ZNF516: variants seen among roughly 807,000 people sequenced by gnomAD.
ZNF516 encodes the protein zinc finger protein 516.
Under a neutral mutation model 79.7 loss-of-function variants are expected in ZNF516, and 19 were observed. The ratio of observed to expected loss-of-function variants is 0.24; its 90% confidence interval spans 0.17 to 0.35. The LOEUF (loss-of-function observed/expected upper bound fraction) is 0.35. Among genes scored for constraint, ZNF516 ranks in the 10% least tolerant of loss-of-function variants. The probability of loss-of-function intolerance (pLI) is 1.00; values close to 1 mark genes in which losing one functional copy is unlikely to be tolerated. For synonymous variants in ZNF516, 877 were observed against 739.5 expected (o/e 1.19, Z -3.02); for missense variants, 1,678 against 1,679.5 (o/e 1.00, Z 0.02).
intron 3 of ZNF516, among the ~76,000 whole-genome samples, chr18:76,408,137 T>C (rs902656749): frequency 1.3e-5 from 2 of 152,136 alleles, no homozygotes; most frequent in East Asian, 1.9e-4. Flanking sequence ...GCTGCTACAT[T>C]TGGGGAGGTG....
intron 3 of ZNF516, chr18:76,386,642 G>A (rs2074996984): frequency 6.6e-6 from 1 of 152,264 alleles, no homozygotes; most frequent in South Asian, 2.1e-4. Flanking sequence ...AACGGCATCA[G>A]AACCACCAGA....
chr18:76,430,570 A>C (rs1198823288), intron 3 of ZNF516, among the ~76,000 whole-genome samples: 1 of 152,224 alleles, frequency 6.6e-6, no homozygotes, highest in African/African-American at 2.4e-5. Flanking sequence ...GCCATTCTCC[A>C]TCAGGTTTCA....
intron 2 of ZNF516, among the ~76,000 whole-genome samples, chr18:76,454,890 G>A (rs769012761): frequency 2.6e-5 from 4 of 152,178 alleles, no homozygotes; most frequent in African/African-American, 7.2e-5. Context: ...AAACAACCTT[G>A]CAGAAATGAG....
chr18:76,491,799 C>G (rs1047578054), intron 1 of ZNF516: 1 of 151,998 alleles, frequency 6.6e-6, no homozygotes, highest in Non-Finnish European at 1.5e-5. Flanking sequence ...AGCGCCGCTG[C>G]TGCTCAGACA....
intron 1 of ZNF516, among the ~76,000 whole-genome samples, chr18:76,464,734 C>T (rs1371802245): frequency 6.6e-6 from 1 of 151,616 alleles, no homozygotes; most frequent in Non-Finnish European, 1.5e-5. Context: ...CAGATGGGGA[C>T]AGTGGCCTCC....
rs772554101 is a variant in ZNF516 at position 76,443,064 on chromosome 18, G to C, written c.-10C>G. 9 of 1,571,824 alleles carry C rather than the reference G, an allele frequency of 5.7e-6. No individual in the cohort carries two copies. In the Admixed American group the frequency reaches 7.3e-5, roughly 13 times the overall value. ...CTCTGTTGCGATCCATCCGAAGGAC[G>C]GGCGCGGCCGGTGGTGGCGGCACAG... On this transcript the variant is annotated 5_prime_UTR_variant, in exon 3 of 7. Coordinates refer to ENST00000443185, the MANE Select transcript of ZNF516 (RefSeq NM_014643.4).
rs965994603 is a variant in ZNF516, at chr18:76,442,164, C to A, written c.891G>T (p.Ala297=). 1.9e-6 allele frequency: 3 copies of A among 1,613,922 alleles called. No homozygotes were observed. The highest frequency in any genetic ancestry group is 1.7e-4 in the Middle Eastern group (1 of 6,060). Reference sequence around the variant, plus strand: ...TCTTGCTGCCCGTCTTGGGGCCGTGCGCCTTCATGTGGTTCTTGAGGAACC... The same window carrying A: ...TCTTGCTGCCCGTCTTGGGGCCGTGAGCCTTCATGTGGTTCTTGAGGAACC... ...EPWFLKNHMK[A]HGPKTGSKNR... is the part of the protein sequence containing the mutation. Residue 297 remains alanine, a synonymous_variant, in exon 3 of 7, where the codon GCG becomes GCT. Coordinates refer to ENST00000443185, the MANE Select transcript of ZNF516 (RefSeq NM_014643.4).
chr18:76,424,456 G>A (rs35048526), intron 3 of ZNF516, among the ~76,000 whole-genome samples: 7 of 126,150 alleles, frequency 5.5e-5, no homozygotes, highest in Admixed American at 1.7e-4. Context: ...GCTCCCTCGA[G>A]ACACACGCAG....
chr18:76,441,852 C>T lies in ZNF516; in HGVS notation c.1203G>A (p.Thr401=). 2 of 1,577,478 alleles carry T rather than the reference C, an allele frequency of 1.3e-6. No homozygotes were observed. The highest frequency in any genetic ancestry group is 1.7e-6 in the Non-Finnish European group (2 of 1,168,530). The change falls in exon 3 of 7, where the codon ACG becomes ACA. Residue 401 remains threonine, a synonymous_variant. Transcript: ENST00000443185. The stretch of plus-strand genomic sequence containing the variant: ...GCTCAGCCACCCGCCGTCCGGCCTG[C>T]GTGCCAGGGCACGAGTCGCCGGCCG... ...PSAAGDSCPG[T]QAGRRVAELD...
At chr18:76,490,993 G>A (rs1915150086) in intron 1 of ZNF516, 1 of 985,286 alleles carries the variant, frequency 1.0e-6, no homozygotes, top group Non-Finnish European at 1.2e-6. Context: ...CCCTCGCGAG[G>A]CGCCCCAAGC....
At chr18:76,437,605 T>C (rs2075760603) in intron 3 of ZNF516, among the ~76,000 whole-genome samples, 1 of 152,170 alleles carries the variant, frequency 6.6e-6, no homozygotes, top group African/African-American at 2.4e-5. Context: ...CAGGGGTGAC[T>C]GATTCCAGGA....
At chr18:76,369,335 G>GT (rs1439015565) in intron 6 of ZNF516, among the ~76,000 whole-genome samples, 3 of 152,094 alleles carry the variant, frequency 2.0e-5, no homozygotes, top group Admixed American at 1.3e-4. Flanking sequence ...TTTAAAACCT[G>GT]TAATAAATGG....
chr18:76,371,621 G>A (rs1336732531), intron 4 of ZNF516, 50 bp from the exon 5 acceptor site: 1 of 1,487,980 alleles, frequency 6.7e-7, no homozygotes, highest in East Asian at 2.3e-5. Flanking sequence ...GGGTTGGCGT[G>A]GAGGTGAGGA....
At chr18:76,417,091 G>C (rs1261016502) in intron 3 of ZNF516, among the ~76,000 whole-genome samples, 1 of 152,276 alleles carries the variant, frequency 6.6e-6, no homozygotes, top group East Asian at 1.9e-4. Flanking sequence ...ACCATTTGAT[G>C]GTTGCTGTGA....
chr18:76,438,870 A>AGGCT (rs1229409412), intron 3 of ZNF516, among the ~76,000 whole-genome samples: 20 of 152,240 alleles, frequency 1.3e-4, no homozygotes, highest in Non-Finnish European at 2.5e-4. Flanking sequence ...TCCCACAGGC[A>AGGCT]GGCTGGCTGC....
chr18:76,492,190 C>T (rs1304764043), intron 1 of ZNF516: 1 of 985,322 alleles, frequency 1.0e-6, no homozygotes, highest in Non-Finnish European at 1.2e-6. Flanking sequence ...GCAGCAACCC[C>T]GCGGTGCTCC....
intron 1 of ZNF516, among the ~76,000 whole-genome samples, chr18:76,473,903 T>TGTTG (rs58634236): frequency 9.2e-5 from 5 of 54,170 alleles, no homozygotes; most frequent in African/African-American, 1.8e-4. Context: ...TGTTTTTGTG[T>TGTTG]GGGGGGGGGG....
At chr18:76,483,931 T>C (rs1914680130) in intron 1 of ZNF516, among the ~76,000 whole-genome samples, 2 of 152,144 alleles carry the variant, frequency 1.3e-5, no homozygotes, top group African/African-American at 2.4e-5. Context: ...AGTGCCCAAC[T>C]CGCACGACAT....
rs372561413 is a variant in ZNF516, at chr18:76,362,483, G to A, written c.*15C>T. 1.2e-4 allele frequency: 197 copies of A among 1,612,262 alleles called. No individual in the cohort carries two copies. The African/African-American group carries it at 1.9e-3, about 16-fold the overall frequency. Reference sequence around the variant, plus strand: ...TGGCCGTTACGGGGACCTGGGGTGCGTCGGAAACACGCCTTTAGGTTCCCT... The same window carrying A: ...TGGCCGTTACGGGGACCTGGGGTGCATCGGAAACACGCCTTTAGGTTCCCT... On this transcript the variant is annotated 3_prime_UTR_variant, in exon 7 of 7. Transcript: ENST00000443185.
Sources: allele counts gnomAD v4.1 joint callset (sites outside exome capture counted in the v4.1 genomes callset), GRCh38; gene constraint gnomAD v4.1.1; transcripts MANE v1.5; gene names NCBI Gene and HGNC (gene_info 2026-07-23, HGNC 2026-07-21).